The following PPARGC1A variants were observed in gnomAD, a reference collection of about 807,000 sequenced individuals.
PPARGC1A encodes PPARG coactivator 1 alpha.
A neutral mutation model predicts 88.7 loss-of-function variants in PPARGC1A; 25 were observed. The observed-to-expected ratio is 0.28, with a 90% confidence interval of 0.21 to 0.39. The LOEUF (loss-of-function observed/expected upper bound fraction) is 0.39. Among genes scored for constraint, PPARGC1A ranks in the 10% least tolerant of loss-of-function variants. The pLI is 1.00. For synonymous variants in PPARGC1A, 363 were observed against 355.6 expected, an observed-to-expected ratio of 1.02 and a Z score of -0.24; for missense variants, 880 against 968.7, an observed-to-expected ratio of 0.91 and a Z score of 1.22.
chr4:23,962,690 GGC>G, the PPARGC1A span, among the ~76,000 whole-genome samples: 3 of 152,142 alleles, frequency 2.0e-5, no homozygotes, highest in African/African-American at 7.2e-5. Flanking sequence ...GAGAGCACAG[GGC>G]CAGGTGGGAG....
At chr4:23,920,298 A>G in the PPARGC1A span, among the ~76,000 whole-genome samples, 1 of 152,246 alleles carries the variant, frequency 6.6e-6, no homozygotes, top group African/African-American at 2.4e-5. Flanking sequence ...AACTAGCTCC[A>G]TAAACTACCA....
upstream of PPARGC1A, among the ~76,000 whole-genome samples, chr4:23,893,552 A>T (rs899847563): frequency 2.6e-5 from 4 of 152,188 alleles, no homozygotes; most frequent in African/African-American, 7.2e-5. Context: ...TACATATTAT[A>T]AGAGATGTGT....
At chr4:23,928,863 A>C in the PPARGC1A span, among the ~76,000 whole-genome samples, 20 of 152,154 alleles carry the variant, frequency 1.3e-4, no homozygotes, top group South Asian at 3.9e-3. Flanking sequence ...TATCCTCAGC[A>C]AACTAATGCA....
At chr4:24,229,538 T>C in the PPARGC1A span, among the ~76,000 whole-genome samples, 6 of 151,436 alleles carry the variant, frequency 4.0e-5, no homozygotes, top group African/African-American at 1.5e-4. Context: ...AATCTTTCTT[T>C]AAAAGAGTTG....
At chr4:24,066,080 C>T in the PPARGC1A span, among the ~76,000 whole-genome samples, 7 of 139,552 alleles carry the variant, frequency 5.0e-5, no homozygotes, top group Admixed American at 2.4e-4. Context: ...CTTTGCCTTC[C>T]GTCTCCTTGG....
At chr4:23,806,388 A>T (rs562327450) in intron 10 of PPARGC1A, among the ~76,000 whole-genome samples, 5 of 152,218 alleles carry the variant, frequency 3.3e-5, no homozygotes, top group Non-Finnish European at 7.3e-5. Flanking sequence ...TCATATCTTT[A>T]AAAAAGCTTA....
At chr4:24,317,554 C>CAAAA in the PPARGC1A span, among the ~76,000 whole-genome samples, 6 of 14,252 alleles carry the variant, frequency 4.2e-4, no homozygotes, top group Admixed American at 1.3e-3. Flanking sequence ...GTTCAGAGGA[C>CAAAA]TAAAAAAAAA....
the PPARGC1A span, among the ~76,000 whole-genome samples, chr4:24,074,408 T>C: frequency 6.6e-6 from 1 of 152,116 alleles, no homozygotes; most frequent in Non-Finnish European, 1.5e-5. Flanking sequence ...ATCACCTAGG[T>C]TGCCTTTCTC....
Position 23,857,875 on chromosome 4 carries a change from C to A in PPARGC1A, c.235-26124G>T, listed in dbSNP as rs192136613. The stretch of plus-strand genomic sequence containing the variant: ...TTAGGTACTAAGCCTAGTTCAACAC[C>A]CTCTCATCAATTCCATCAGCCATAC... On this transcript the variant is annotated intron_variant, in intron 2 of 12. Transcript: ENST00000264867. 2.4e-4 allele frequency among the ~76,000 whole-genome samples: 37 copies of A among 151,678 alleles called. 1 individual carries two copies. In the East Asian group the frequency reaches 7.1e-3, roughly 29 times the overall value.
the PPARGC1A span, among the ~76,000 whole-genome samples, chr4:24,295,913 G>C: frequency 6.6e-6 from 1 of 150,512 alleles, no homozygotes; most frequent in African/African-American, 2.4e-5. Context: ...TATAACTCTA[G>C]CTCATTTAAT....
At chr4:24,006,349 A>G in the PPARGC1A span, among the ~76,000 whole-genome samples, 1 of 152,160 alleles carries the variant, frequency 6.6e-6, no homozygotes, top group Non-Finnish European at 1.5e-5. Flanking sequence ...GTGCCCGGCC[A>G]GTTTTCTTTC....
chr4:24,301,611 C>CAAAAA, the PPARGC1A span, among the ~76,000 whole-genome samples: 1 of 79,414 alleles, frequency 1.3e-5, no homozygotes, highest in African/African-American at 3.9e-5. Flanking sequence ...CACCTATTGC[C>CAAAAA]AAAAAAAAAA....
At chr4:23,910,591 C>T in the PPARGC1A span, among the ~76,000 whole-genome samples, 1 of 149,454 alleles carries the variant, frequency 6.7e-6, no homozygotes, top group Non-Finnish European at 1.5e-5. Context: ...GAGGTAGGTG[C>T]CACCATGCCA....
chr4:24,255,564 C>T, the PPARGC1A span, among the ~76,000 whole-genome samples: 5 of 152,194 alleles, frequency 3.3e-5, no homozygotes, highest in Non-Finnish European at 5.9e-5. Flanking sequence ...TCCATACAGT[C>T]TGCTACATAC....
chr4:24,389,697 A>G, the PPARGC1A span, among the ~76,000 whole-genome samples: 1 of 152,186 alleles, frequency 6.6e-6, no homozygotes, highest in African/African-American at 2.4e-5. Context: ...TAAGGATAGT[A>G]TTATGCCTTT....
the PPARGC1A span, among the ~76,000 whole-genome samples, chr4:23,997,348 C>CT: frequency 0.021 from 3,127 of 151,556 alleles, 108 homozygotes; most frequent in African/African-American, 0.072. Context: ...GGTAAAAATC[C>CT]TTTTTTTTAT....
intron 12 of PPARGC1A, among the ~76,000 whole-genome samples, chr4:23,800,769 C>G (rs949343315): frequency 6.6e-6 from 1 of 151,150 alleles, no homozygotes; most frequent in Non-Finnish European, 1.5e-5. Context: ...CATATTTTAC[C>G]CCTTGAGTCT....
the PPARGC1A span, among the ~76,000 whole-genome samples, chr4:24,119,589 A>C: frequency 6.6e-6 from 1 of 152,202 alleles, no homozygotes; most frequent in Non-Finnish European, 1.5e-5. Flanking sequence ...CCAGTGTTAC[A>C]ATAATATACT....
At chr4:23,901,677 T>A (rs190201680), upstream of PPARGC1A, among the ~76,000 whole-genome samples, 35 of 152,158 alleles carry the variant, frequency 2.3e-4, no homozygotes, top group African/African-American at 7.7e-4. Flanking sequence ...AATGATGATA[T>A]CTGAAATACA....
Sources: allele counts gnomAD v4.1 joint callset (sites outside exome capture counted in the v4.1 genomes callset), GRCh38; gene constraint gnomAD v4.1.1; transcripts MANE v1.5; gene names NCBI Gene and HGNC (gene_info 2026-07-23, HGNC 2026-07-21).